RARB: variants seen among roughly 807,000 people sequenced by gnomAD.
RARB encodes retinoic acid receptor beta.
RARB carries 17 observed loss-of-function variants against 51.9 expected under a neutral mutation model. The observed-to-expected ratio is 0.33, with a 90% CI of 0.22 to 0.49. The LOEUF is 0.49. Ranked by LOEUF, RARB falls within the 20% of genes least tolerant of loss-of-function variation. The probability of loss-of-function intolerance (pLI) is 0.99; values close to 1 mark genes in which losing one functional copy is unlikely to be tolerated. For missense variants in RARB, 369 were observed against 550.8 expected (o/e 0.67, Z 3.30); for synonymous variants, 215 against 195.4 (o/e 1.10, Z -0.84).
intron 2 of RARB, among the ~76,000 whole-genome samples, chr3:25,011,186 T>C (rs1419791582): frequency 2.0e-5 from 3 of 152,132 alleles, no homozygotes; most frequent in Admixed American, 6.6e-5. Context: ...ACTTACATTC[T>C]AGCAAAAGGG....
intron 2 of RARB, among the ~76,000 whole-genome samples, chr3:24,915,968 C>T (rs1695098836): frequency 6.6e-6 from 1 of 152,074 alleles, no homozygotes. Flanking sequence ...AGAGAGGCAC[C>T]TACATTCAAG....
intron 2 of RARB, among the ~76,000 whole-genome samples, chr3:25,003,635 G>A (rs1438204368): frequency 6.6e-6 from 1 of 152,038 alleles, no homozygotes; most frequent in Non-Finnish European, 1.5e-5. Flanking sequence ...AAAATAAAAA[G>A]ACAAAGATCT....
chr3:24,889,675 A>AGTGT (rs71057686), intron 2 of RARB, among the ~76,000 whole-genome samples: 7,668 of 142,836 alleles, frequency 0.054, 462 homozygotes, highest in African/African-American at 0.15. Context: ...CACCTCTTAA[A>AGTGT]GTGTGTGTGT....
intron 4 of RARB, among the ~76,000 whole-genome samples, chr3:25,171,672 A>G (rs1181636340): frequency 6.7e-6 from 1 of 149,314 alleles, no homozygotes; most frequent in Non-Finnish European, 1.5e-5. Context: ...CAGCTTTAAA[A>G]ATCAGAATTG....
At chr3:24,969,558 C>T (rs920907624) in intron 2 of RARB, among the ~76,000 whole-genome samples, 2 of 152,078 alleles carry the variant, frequency 1.3e-5, no homozygotes, top group Non-Finnish European at 2.9e-5. Context: ...GTTATTCTGT[C>T]TCTTTTATTT....
chr3:24,902,965 C>T (rs1575063116), intron 2 of RARB, among the ~76,000 whole-genome samples: 1 of 151,968 alleles, frequency 6.6e-6, no homozygotes, highest in East Asian at 1.9e-4. Flanking sequence ...TTTTTTCAAA[C>T]CTTTCAAAAT....
rs529278009 is a variant in RARB, at chr3:25,537,043, T to G, written c.449-32715T>G. On this transcript the variant is annotated intron_variant, in intron 3 of 7. Coordinates refer to ENST00000330688, the MANE Select transcript of RARB (RefSeq NM_000965.5). ...CTGGGGAGCACCCGGATCAAAAAGCTGACTCCGGGGCCTCTCTATACAGGT... is the reference window on the plus strand; with the variant it reads ...CTGGGGAGCACCCGGATCAAAAAGCGGACTCCGGGGCCTCTCTATACAGGT... Among the ~76,000 whole-genome samples, 6 of 152,366 alleles carry G rather than the reference T, an allele frequency of 3.9e-5. No homozygotes were observed. In the South Asian group the frequency reaches 1.2e-3, roughly 32 times the overall value.
chr3:25,326,722 A>G (rs1348053010), intron 5 of RARB, among the ~76,000 whole-genome samples: 1 of 152,212 alleles, frequency 6.6e-6, no homozygotes, highest in Non-Finnish European at 1.5e-5. Flanking sequence ...GTACAATGAG[A>G]AAACTCCCAA....
chr3:25,482,045 A>G (rs1350326241), intron 2 of RARB, among the ~76,000 whole-genome samples: 2 of 152,242 alleles, frequency 1.3e-5, no homozygotes, highest in Non-Finnish European at 2.9e-5. Flanking sequence ...GGTATCTGGC[A>G]GCAGGACCCA....
intron 3 of RARB, among the ~76,000 whole-genome samples, chr3:25,087,731 A>G (rs1465551459): frequency 6.6e-6 from 1 of 152,230 alleles, no homozygotes; most frequent in South Asian, 2.1e-4. Flanking sequence ...ACAGGTACGA[A>G]CAATTTTTGG....
intron 4 of RARB, among the ~76,000 whole-genome samples, chr3:25,169,263 G>A (rs577486431): frequency 2.0e-4 from 30 of 152,142 alleles, no homozygotes; most frequent in South Asian, 4.1e-4. Flanking sequence ...TGGGGATTCC[G>A]AAAAAAGAGA....
chr3:24,909,655 G>C (rs566298936), intron 2 of RARB, among the ~76,000 whole-genome samples: 3 of 142,624 alleles, frequency 2.1e-5, no homozygotes, highest in African/African-American at 7.9e-5. Flanking sequence ...CTTTGCATTT[G>C]TTAGTCCTTC....
chr3:25,000,427 AC>A (rs1182216344), intron 2 of RARB, among the ~76,000 whole-genome samples: 34 of 152,090 alleles, frequency 2.2e-4, no homozygotes, highest in African/African-American at 8.2e-4. Context: ...TCTCCTACTT[AC>A]TTACAGAGAG....
At chr3:24,947,529 T>A (rs1316659062) in intron 2 of RARB, among the ~76,000 whole-genome samples, 1 of 152,214 alleles carries the variant, frequency 6.6e-6, no homozygotes, top group Non-Finnish European at 1.5e-5. Flanking sequence ...TCTCTTCCAC[T>A]TCGTGGAAGC....
chr3:25,166,311 T>C (rs1426327716), intron 4 of RARB, among the ~76,000 whole-genome samples: 3 of 152,210 alleles, frequency 2.0e-5, no homozygotes, highest in African/African-American at 7.2e-5. Flanking sequence ...ATGTTTCTTT[T>C]CTATCAAGAA....
chr3:24,974,436 G>A (rs1696466938), intron 2 of RARB, among the ~76,000 whole-genome samples: 1 of 152,032 alleles, frequency 6.6e-6, no homozygotes, highest in Non-Finnish European at 1.5e-5. Flanking sequence ...GTTTTGCACA[G>A]CAGCTATTCT....
At chr3:25,479,720 A>T (rs1696137125) in intron 2 of RARB, among the ~76,000 whole-genome samples, 1 of 152,332 alleles carries the variant, frequency 6.6e-6, no homozygotes. Context: ...AGGCTTTATT[A>T]TCTCTCATAA....
intron 3 of RARB, among the ~76,000 whole-genome samples, chr3:25,130,055 C>A (rs1699920729): frequency 2.0e-5 from 3 of 151,962 alleles, no homozygotes; most frequent in African/African-American, 7.2e-5. Context: ...GCTTGATTAC[C>A]TTAGTATGGG....
chr3:25,417,117 C>T (rs747168335), intron 5 of RARB, among the ~76,000 whole-genome samples: 15 of 151,698 alleles, frequency 9.9e-5, no homozygotes, highest in Non-Finnish European at 1.6e-4. Flanking sequence ...CCTTAGAAGC[C>T]GCTGGTAATG....
Sources: allele counts gnomAD v4.1 joint callset (sites outside exome capture counted in the v4.1 genomes callset), GRCh38; gene constraint gnomAD v4.1.1; transcripts MANE v1.5; gene names NCBI Gene and HGNC (gene_info 2026-07-23, HGNC 2026-07-21).